BCKDHB: variants seen among roughly 807,000 people sequenced by gnomAD.
BCKDHB encodes branched chain keto acid dehydrogenase E1 subunit beta, also known as 2-oxoisovalerate dehydrogenase subunit beta, mitochondrial.
Under a neutral mutation model 48.5 loss-of-function variants are expected in BCKDHB, and 41 were observed. The observed-to-expected ratio is 0.85, with a 90% CI of 0.66 to 1.10. The LOEUF is 1.10. Ranked by LOEUF, BCKDHB falls within the 50% of genes least tolerant of loss-of-function variation. The probability of loss-of-function intolerance (pLI) is 0.00; values close to 1 mark genes in which losing one functional copy is unlikely to be tolerated. For missense variants in BCKDHB, 496 were observed against 494.2 expected (o/e 1.00, Z -0.03); for synonymous variants, 201 against 174.8 (o/e 1.15, Z -1.18).
At chr6:80,220,405 G>GTTTTTTTTTTTTTTTTTTTTGTTTT (rs58469565) in intron 8 of BCKDHB, among the ~76,000 whole-genome samples, 1 of 33,854 alleles carries the variant, frequency 3.0e-5, no homozygotes, top group Non-Finnish European at 6.0e-5. Flanking sequence ...CTTTAGTAGT[G>GTTTTTTTTTTTTTTTTTTTTGTTTT]TTTTTTTTTT....
intron 1 of BCKDHB, 190 bp from the exon 2 acceptor site, chr6:80,127,357 C>G: frequency 1.7e-6 from 1 of 573,528 alleles, no homozygotes; most frequent in Non-Finnish European, 3.1e-6. Flanking sequence ...GTAAATTTTG[C>G]CCCATTAACA....
the BCKDHB span, among the ~76,000 whole-genome samples, chr6:80,387,714 A>C: frequency 6.6e-6 from 1 of 152,232 alleles, no homozygotes; most frequent in South Asian, 2.1e-4. Flanking sequence ...TTTAGCTGGC[A>C]AGGCCAGCAA....
At chr6:80,289,838 T>C (rs1766819106) in intron 9 of BCKDHB, among the ~76,000 whole-genome samples, 1 of 152,144 alleles carries the variant, frequency 6.6e-6, no homozygotes, top group African/African-American at 2.4e-5. Context: ...AGAGCAGCCA[T>C]AGAGCTGCTC....
intron 1 of BCKDHB, among the ~76,000 whole-genome samples, chr6:80,114,920 C>T (rs1562057025): frequency 6.6e-6 from 1 of 152,168 alleles, no homozygotes; most frequent in Non-Finnish European, 1.5e-5. Context: ...AGGGAAGCAC[C>T]ATTGTTTCTT....
the BCKDHB span, among the ~76,000 whole-genome samples, chr6:80,354,426 A>G: frequency 4.2e-3 from 639 of 152,172 alleles, 3 homozygotes; most frequent in Non-Finnish European, 7.0e-3. Flanking sequence ...ACGGGGTTTC[A>G]CTGTGTTGCC....
intron 8 of BCKDHB, among the ~76,000 whole-genome samples, chr6:80,268,474 T>A (rs1174783915): frequency 6.6e-6 from 1 of 152,110 alleles, no homozygotes; most frequent in Non-Finnish European, 1.5e-5. Flanking sequence ...ATAGAAAATA[T>A]TAAAAGGGCT....
intron 3 of BCKDHB, among the ~76,000 whole-genome samples, chr6:80,158,007 T>G (rs1229969420): frequency 6.6e-6 from 1 of 152,220 alleles, no homozygotes; most frequent in Admixed American, 6.5e-5. Flanking sequence ...TTAAGCTTGT[T>G]CATTCAAACG....
chr6:80,455,041 G>C, the BCKDHB span, among the ~76,000 whole-genome samples: 10 of 152,194 alleles, frequency 6.6e-5, no homozygotes, highest in Non-Finnish European at 1.2e-4. Context: ...ATTTTACACA[G>C]AGACCATTCC....
At chr6:80,158,209 A>G (rs952470734) in intron 3 of BCKDHB, among the ~76,000 whole-genome samples, 2 of 152,184 alleles carry the variant, frequency 1.3e-5, no homozygotes, top group Non-Finnish European at 2.9e-5. Context: ...TTGCAGACTC[A>G]TTGATTACAG....
chr6:80,243,279 A>G (rs1776465851), intron 8 of BCKDHB, among the ~76,000 whole-genome samples: 1 of 152,166 alleles, frequency 6.6e-6, no homozygotes, highest in Non-Finnish European at 1.5e-5. Flanking sequence ...CAAAGGCTGG[A>G]ATATCAGTGG....
intron 9 of BCKDHB, among the ~76,000 whole-genome samples, chr6:80,292,849 C>T (rs1767002600): frequency 6.6e-6 from 1 of 152,196 alleles, no homozygotes; most frequent in South Asian, 2.1e-4. Flanking sequence ...TTGGCCAAAA[C>T]AGAAGGGCTA....
chr6:80,363,395 GT>G, the BCKDHB span, among the ~76,000 whole-genome samples: 2 of 152,102 alleles, frequency 1.3e-5, no homozygotes, highest in Non-Finnish European at 2.9e-5. Flanking sequence ...ACAAGAAACT[GT>G]TTTTTCAAGA....
At chr6:80,338,732 A>C (rs1769730297) in intron 9 of BCKDHB, among the ~76,000 whole-genome samples, 1 of 152,178 alleles carries the variant, frequency 6.6e-6, no homozygotes, top group Non-Finnish European at 1.5e-5. Flanking sequence ...TTAACTTGTA[A>C]AATCTAGCAA....
intron 6 of BCKDHB, among the ~76,000 whole-genome samples, chr6:80,197,230 T>A (rs2127816479): frequency 6.6e-6 from 1 of 152,332 alleles, no homozygotes; most frequent in East Asian, 1.9e-4. Context: ...ATAAATATGT[T>A]TTAAATTAAA....
At chr6:80,459,788 T>C in the BCKDHB span, among the ~76,000 whole-genome samples, 1 of 152,182 alleles carries the variant, frequency 6.6e-6, no homozygotes, top group East Asian at 1.9e-4. Context: ...TTTCCAAATA[T>C]GTAACTGAGG....
At chr6:80,311,826 T>C (rs556136707) in intron 9 of BCKDHB, among the ~76,000 whole-genome samples, 28 of 152,352 alleles carry the variant, frequency 1.8e-4, no homozygotes, top group Non-Finnish European at 3.1e-4. Flanking sequence ...TTGTTTACTG[T>C]AGCCTTGTAG....
intron 3 of BCKDHB, among the ~76,000 whole-genome samples, chr6:80,132,277 C>G (rs1770669720): frequency 6.6e-6 from 1 of 152,040 alleles, no homozygotes; most frequent in South Asian, 2.1e-4. Context: ...CACGCTGCAC[C>G]TTTTAAATCT....
At chr6:80,319,450 T>C (rs960341193) in intron 9 of BCKDHB, among the ~76,000 whole-genome samples, 3 of 152,236 alleles carry the variant, frequency 2.0e-5, no homozygotes, top group Admixed American at 2.0e-4. Context: ...CATTTATTAC[T>C]ACAATCTCTC....
the BCKDHB span, among the ~76,000 whole-genome samples, chr6:80,358,792 G>T: frequency 6.6e-6 from 1 of 152,164 alleles, no homozygotes; most frequent in African/African-American, 2.4e-5. Context: ...CTAAATAGAG[G>T]TGGTGGCTGC....
Sources: allele counts gnomAD v4.1 joint callset (sites outside exome capture counted in the v4.1 genomes callset), GRCh38; gene constraint gnomAD v4.1.1; transcripts MANE v1.5; gene names NCBI Gene and HGNC (gene_info 2026-07-23, HGNC 2026-07-21).